Variants in SSH2 observed in about 807,000 individuals in gnomAD.
SSH2 encodes the protein slingshot protein phosphatase 2.
Under a neutral mutation model 135.2 loss-of-function variants are expected in SSH2, and 37 were observed. The ratio of observed to expected loss-of-function variants is 0.27; its 90% CI spans 0.21 to 0.36. SSH2 has a LOEUF of 0.36. Among genes scored for constraint, SSH2 ranks in the 10% least tolerant of loss-of-function variants. The probability of loss-of-function intolerance (pLI) is 1.00; values close to 1 mark genes in which losing one functional copy is unlikely to be tolerated. For synonymous variants in SSH2, 628 were observed against 646.2 expected, an observed-to-expected ratio of 0.97 and a Z score of 0.43; for missense variants, 1,408 against 1,765.3, an observed-to-expected ratio of 0.80 and a Z score of 3.63.
intron 4 of SSH2, among the ~76,000 whole-genome samples, chr17:29,695,869 C>T (rs974463860): frequency 6.6e-6 from 1 of 151,932 alleles, no homozygotes; most frequent in Non-Finnish European, 1.5e-5. Context: ...TGTTTTTGGG[C>T]CCACTGAAGG....
At chr17:29,878,123 T>C (rs2066069382) in intron 1 of SSH2, among the ~76,000 whole-genome samples, 1 of 151,964 alleles carries the variant, frequency 6.6e-6, no homozygotes, top group Non-Finnish European at 1.5e-5. Flanking sequence ...CAATAATAAC[T>C]GTACCTTTTA....
rs762979864 is a variant in SSH2, at chr17:29,695,478, G to A, written c.338C>T (p.Pro113Leu). The A allele has an allele frequency of 1.2e-6, 2 of 1,612,488 alleles. No individual in the cohort carries two copies. ...ACTTACCAGCCTGATGTTGTCTTCT[G>A]GGCGGAGTAAAATGAACATTGCTTG... is the stretch of plus-strand genomic sequence containing the variant. The part of the protein sequence containing the change: ...HLQAMFILLR[P>L]EDNIRLAVRL... The change falls in exon 5 of 16, where the codon CCA becomes CTA. Residue 113 changes from proline (P) to leucine (L), a missense_variant. By Grantham distance (98) the Pro-to-Leu change is moderately conservative (BLOSUM62 -3). Around this residue, in one of 3 missense-constraint regions of SSH2, gnomAD observed 222 missense variants for 355.6 expected, o/e 0.62. Coordinates refer to ENST00000540801, the MANE Select transcript of SSH2 (RefSeq NM_001282129.2).
In SSH2 at chr17:29,930,222, G is replaced by A. The variant is rs1009890551; in HGVS notation, c.-222C>T. 5 of 553,932 alleles carry A rather than the reference G, an allele frequency of 9.0e-6. No homozygotes were observed. Among genetic ancestry groups the A allele is most frequent in the Non-Finnish European group, 1.6e-5 (5 of 313,482 alleles). The allele number at this position is 553,932 out of a possible 1,614,324, so 34.3% of individuals were successfully genotyped here. A position where few individuals can be genotyped will look rare whatever the true frequency, so the allele number is the denominator to read the frequency against. ...GGGCGGGCGGTTCCGCAGCTGCGGGGCACAATGAGCGCTCCCAGTGCGCAG... is the reference window on the plus strand; with the variant it reads ...GGGCGGGCGGTTCCGCAGCTGCGGGACACAATGAGCGCTCCCAGTGCGCAG... On this transcript the variant is annotated 5_prime_UTR_variant, in exon 1 of 16. Transcript: ENST00000540801.
chr17:29,647,189 G>A lies in SSH2; in HGVS notation c.1427+955C>T, dbSNP rs961215181. ...AGGCAGGAGAATGGCGTGAACCTGG[G>A]AGGCGGAGATTGCTGTGAGCCGAGA... On this transcript the variant is annotated intron_variant, in intron 14 of 15. Transcript: ENST00000540801. 8.6e-5 allele frequency among the ~76,000 whole-genome samples: 13 copies of A among 151,706 alleles called. No individual in the cohort carries two copies. In the East Asian group the frequency reaches 2.2e-3, roughly 25 times the overall value.
At chr17:29,640,154 C>T (rs560011905) in intron 14 of SSH2, among the ~76,000 whole-genome samples, 2 of 151,856 alleles carry the variant, frequency 1.3e-5, no homozygotes, top group Admixed American at 6.6e-5. Context: ...TCTCGGCTCA[C>T]TGCAAGCTCC....
chr17:29,809,112 T>C (rs1468778373), intron 2 of SSH2, among the ~76,000 whole-genome samples: 3 of 152,042 alleles, frequency 2.0e-5, no homozygotes, highest in South Asian at 2.1e-4. Flanking sequence ...AAATTAGCCA[T>C]GCGTGGTGGC....
intron 11 of SSH2, among the ~76,000 whole-genome samples, chr17:29,659,612 C>T (rs2036936675): frequency 6.6e-6 from 1 of 152,212 alleles, no homozygotes; most frequent in Admixed American, 6.5e-5. Flanking sequence ...CAAGCTCCAC[C>T]TCCCGGGTTC....
rs191706283 is a variant in SSH2, at chr17:29,790,140, G to A, written c.188+3754C>T. Among the ~76,000 whole-genome samples, 251 of 152,172 alleles carry A rather than the reference G, an allele frequency of 1.6e-3. 2 individuals carry two copies. Among genetic ancestry groups the A allele is most frequent in the Non-Finnish European group, 1.4e-3 (97 of 67,994 alleles). On this transcript the variant is annotated intron_variant, in intron 3 of 15. Transcript: ENST00000540801. ...GAGAACATGAATTTTGTGGGTTCCCGGGCAAAATATTATGGACTTAATGCT... is the reference window on the plus strand; with the variant it reads ...GAGAACATGAATTTTGTGGGTTCCCAGGCAAAATATTATGGACTTAATGCT...
intron 3 of SSH2, chr17:29,716,196 C>A (rs1480273364): frequency 3.8e-6 from 1 of 262,042 alleles, no homozygotes; most frequent in Non-Finnish European, 7.4e-6. Flanking sequence ...TCTGGTCTCT[C>A]ATACCCTTAA....
chr17:29,818,148 G>A (rs1296777963), intron 2 of SSH2, among the ~76,000 whole-genome samples: 1 of 151,626 alleles, frequency 6.6e-6, no homozygotes, highest in Non-Finnish European at 1.5e-5. Flanking sequence ...TTGTTATGCA[G>A]TATTTTTATT....
intron 2 of SSH2, among the ~76,000 whole-genome samples, chr17:29,818,744 A>T (rs1567993772): frequency 3.9e-5 from 6 of 152,036 alleles, no homozygotes; most frequent in East Asian, 1.9e-4. Flanking sequence ...TTAGTTAAAT[A>T]TTTTTTTTCA....
chr17:29,732,632 C>A (rs2040233404), intron 3 of SSH2, among the ~76,000 whole-genome samples: 1 of 152,166 alleles, frequency 6.6e-6, no homozygotes, highest in East Asian at 1.9e-4. Context: ...CTGTCTCTCT[C>A]TATATCAGCC....
intron 14 of SSH2, 86 bp from the exon 15 acceptor site, chr17:29,636,888 T>C: frequency 1.0e-6 from 1 of 961,896 alleles, no homozygotes; most frequent in South Asian, 1.6e-5. Flanking sequence ...CAGATAAATC[T>C]TAACTTGTAA....
chr17:29,922,365 G>A (rs2151487389), intron 1 of SSH2, among the ~76,000 whole-genome samples: 1 of 147,626 alleles, frequency 6.8e-6, no homozygotes, highest in South Asian at 2.3e-4. Flanking sequence ...GTTAATATTT[G>A]TAATACATCG....
intron 7 of SSH2, 58 bp downstream of exon 7, chr17:29,677,615 T>TC: frequency 7.0e-7 from 1 of 1,428,984 alleles, no homozygotes; most frequent in Non-Finnish European, 9.9e-7. Context: ...GAATGTGCAG[T>TC]AAGATGGAGC....
At chr17:29,783,424 G>A (rs1383570043) in intron 3 of SSH2, among the ~76,000 whole-genome samples, 1 of 151,602 alleles carries the variant, frequency 6.6e-6, no homozygotes, top group African/African-American at 2.4e-5. Flanking sequence ...AGAAGAGCCA[G>A]TCCGAGTCCC....
At chr17:29,842,320 G>A (rs974479830) in intron 2 of SSH2, among the ~76,000 whole-genome samples, 1 of 151,926 alleles carries the variant, frequency 6.6e-6, no homozygotes, top group Admixed American at 6.6e-5. Context: ...TGAGTGTCAT[G>A]GCAGGCACCT....
intron 3 of SSH2, among the ~76,000 whole-genome samples, chr17:29,722,199 G>A (rs528273851): frequency 1.8e-4 from 27 of 151,782 alleles, no homozygotes; most frequent in African/African-American, 5.6e-4. Context: ...GCTTGAACCC[G>A]GGAGGTGGAG....
chr17:29,780,910 C>T (rs1037402630), intron 3 of SSH2, among the ~76,000 whole-genome samples: 1 of 152,058 alleles, frequency 6.6e-6, no homozygotes, highest in Non-Finnish European at 1.5e-5. Context: ...CCTCCCGGTT[C>T]ACGCCATTCT....
Sources: allele counts gnomAD v4.1 joint callset (sites outside exome capture counted in the v4.1 genomes callset), GRCh38; gene constraint gnomAD v4.1.1; regional missense constraint gnomAD v4.1.1; transcripts MANE v1.5; gene names NCBI Gene and HGNC (gene_info 2026-07-23, HGNC 2026-07-21).